ME3: variants seen among roughly 807,000 people sequenced by gnomAD.
ME3 encodes the protein NADP-dependent malic enzyme, mitochondrial.
In ME3, 48 loss-of-function variants were observed where a neutral mutation model predicts 68.9. That is an observed-to-expected ratio of 0.70 (90% confidence interval 0.55 to 0.89). ME3 has a LOEUF of 0.89. Ranked by LOEUF, ME3 falls within the 40% of genes least tolerant of loss-of-function variation. ME3 has a pLI of 0.00. For synonymous variants in ME3, 320 were observed against 318.8 expected, an observed-to-expected ratio of 1.00 and a Z score of -0.04; for missense variants, 675 against 797.4, an observed-to-expected ratio of 0.85 and a Z score of 1.85.
chr11:86,562,492 T>C (rs754394861), intron 2 of ME3, among the ~76,000 whole-genome samples: 8 of 152,276 alleles, frequency 5.3e-5, no homozygotes, highest in East Asian at 1.9e-4. Context: ...CTGTACCATT[T>C]TGCATCCCTG....
chr11:86,565,987 G>T (rs1957461869), intron 2 of ME3, among the ~76,000 whole-genome samples: 1 of 152,232 alleles, frequency 6.6e-6, no homozygotes, highest in South Asian at 2.1e-4. Context: ...ATGAGAAGGT[G>T]CAACACATGG....
rs77338617 is a variant in ME3, at chr11:86,472,097, G to A, written c.810-6897C>T. Among the ~76,000 whole-genome samples, 59 of 152,240 alleles carry A rather than the reference G, an allele frequency of 3.9e-4. No individual in the cohort carries two copies. In the East Asian group the frequency reaches 0.011, roughly 28 times the overall value. On this transcript the variant is annotated intron_variant, in intron 7 of 14. Transcript: ENST00000543262. ...GTTCCCAGACAGACTGTGGATGGGT[G>A]CGGATGGAAGGAGGGAGGAGGGCAT...
chr11:86,618,954 C>A (rs1338628068), intron 2 of ME3, among the ~76,000 whole-genome samples: 2 of 152,126 alleles, frequency 1.3e-5, no homozygotes, highest in Non-Finnish European at 2.9e-5. Context: ...CGTGATCCAC[C>A]CGCCTTGGCC....
chr11:86,601,385 C>A (rs1203900825), intron 2 of ME3, among the ~76,000 whole-genome samples: 1 of 152,162 alleles, frequency 6.6e-6, no homozygotes, highest in Non-Finnish European at 1.5e-5. Context: ...CACATACACC[C>A]TCCCAAGACT....
intron 7 of ME3, among the ~76,000 whole-genome samples, chr11:86,466,087 T>G (rs752667572): frequency 3.9e-5 from 6 of 152,308 alleles, no homozygotes; most frequent in Admixed American, 6.5e-5. Flanking sequence ...CTGAGTTTGT[T>G]CGAGTTTTGT....
chr11:86,498,144 C>T lies in ME3; in HGVS notation c.544-20G>A. On this transcript the variant is annotated intron_variant, in intron 5 of 14. Coordinates refer to ENST00000543262, the Ensembl canonical transcript of ME3. ...CACGGCCTGAAAAACAGCAGGGCACCATCAATCAGGGACAGCACTTCCTGT... is the reference window on the plus strand; with the variant it reads ...CACGGCCTGAAAAACAGCAGGGCACTATCAATCAGGGACAGCACTTCCTGT... 3 of 1,601,382 alleles carry T rather than the reference C, an allele frequency of 1.9e-6. No homozygotes were observed. The highest frequency in any genetic ancestry group is 2.6e-6 in the Non-Finnish European group (3 of 1,174,136).
rs906861658 is a variant in ME3, at chr11:86,539,073, A to G, written c.467+17480T>C. On this transcript the variant is annotated intron_variant, in intron 4 of 14. Transcript: ENST00000543262. ...TTCTGGGAAGGGCCAAGACTCCCTC[A>G]AAGTGCGTGACCATTTGGAGGAAGA... Among the ~76,000 whole-genome samples the G allele has an allele frequency of 1.1e-4, 16 of 152,288 alleles. 2 individuals carry two copies. Among genetic ancestry groups the G allele is most frequent in the Admixed American group, 4.6e-4 (7 of 15,282 alleles).
chr11:86,492,066 G>T (rs779345211), intron 6 of ME3, among the ~76,000 whole-genome samples: 2 of 152,212 alleles, frequency 1.3e-5, no homozygotes, highest in Non-Finnish European at 2.9e-5. Context: ...GGCCCAAAGG[G>T]GCTCTAGGCT....
chr11:86,477,416 G>C (rs1264151314), intron 7 of ME3, among the ~76,000 whole-genome samples: 1 of 152,182 alleles, frequency 6.6e-6, no homozygotes, highest in Non-Finnish European at 1.5e-5. Flanking sequence ...AATATTGTGT[G>C]AAGTGCTTGT....
intron 2 of ME3, among the ~76,000 whole-genome samples, chr11:86,608,063 A>G (rs191525337): frequency 1.3e-5 from 2 of 152,328 alleles, no homozygotes; most frequent in Admixed American, 6.5e-5. Context: ...TAATTTAAAC[A>G]TAAGCAGCAT....
intron 4 of ME3, among the ~76,000 whole-genome samples, chr11:86,531,149 C>T (rs1594322105): frequency 6.6e-6 from 1 of 151,348 alleles, no homozygotes; most frequent in Non-Finnish European, 1.5e-5. Flanking sequence ...AACAAATTTA[C>T]AAGAAAAAAA....
intron 2 of ME3, among the ~76,000 whole-genome samples, chr11:86,657,836 A>G: frequency 6.6e-6 from 1 of 152,216 alleles, no homozygotes; most frequent in East Asian, 1.9e-4. Flanking sequence ...TGGCAAGCTT[A>G]TGATGTTATT....
chr11:86,464,260 A>T, intron 8 of ME3: 1 of 335,610 alleles, frequency 3.0e-6, no homozygotes, highest in Non-Finnish European at 5.8e-6. Flanking sequence ...TTGTTAAAGC[A>T]TCATCAAGGT....
At chr11:86,590,667 G>A (rs2139663095) in intron 2 of ME3, among the ~76,000 whole-genome samples, 1 of 152,256 alleles carries the variant, frequency 6.6e-6, no homozygotes, top group Admixed American at 6.5e-5. Flanking sequence ...AAGCTGGAGG[G>A]GTAGGTCAGA....
chr11:86,621,000 CG>C (rs1410963911), intron 2 of ME3, among the ~76,000 whole-genome samples: 12 of 152,080 alleles, frequency 7.9e-5, no homozygotes, highest in Non-Finnish European at 1.5e-4. Flanking sequence ...GGTTCCTGAC[CG>C]GGCCTCCACC....
intron 2 of ME3, among the ~76,000 whole-genome samples, chr11:86,665,743 T>C (rs527764349): frequency 2.6e-5 from 4 of 152,250 alleles, no homozygotes; most frequent in Non-Finnish European, 5.9e-5. Context: ...CTTCAATCAG[T>C]GGTGACCCAT....
At chr11:86,531,660 T>C (rs1565910439) in intron 4 of ME3, among the ~76,000 whole-genome samples, 2 of 152,280 alleles carry the variant, frequency 1.3e-5, no homozygotes, top group Admixed American at 6.5e-5. Context: ...CATGGAATAC[T>C]ATGCAGCCAT....
rs545921917 is a variant in ME3, at chr11:86,663,157, T to C, written c.183+8605A>G. 9.8e-5 allele frequency among the ~76,000 whole-genome samples: 15 copies of C among 152,328 alleles called. 1 individual carries two copies. The highest frequency in any genetic ancestry group is 2.6e-4 in the African/African-American group (11 of 41,580). On this transcript the variant is annotated intron_variant, in intron 2 of 14. Coordinates refer to ENST00000543262, the Ensembl canonical transcript of ME3. ...GAATCAAGACAAAATGCTTTTAAAATATAATAATCTCAAGTTGCTGATCAT... is the reference window on the plus strand; with the variant it reads ...GAATCAAGACAAAATGCTTTTAAAACATAATAATCTCAAGTTGCTGATCAT...
intron 4 of ME3, among the ~76,000 whole-genome samples, chr11:86,542,938 G>A (rs940976998): frequency 4.5e-4 from 69 of 152,296 alleles, no homozygotes; most frequent in African/African-American, 1.5e-3. Context: ...GAAGCCCATC[G>A]GACTAACAGA....
Sources: gnomAD v4.1 joint callset for allele counts (sites outside exome capture counted in the v4.1 genomes callset) on GRCh38, gnomAD v4.1.1 for gene constraint, MANE v1.5 for transcripts, NCBI Gene and HGNC (gene_info 2026-07-23, HGNC 2026-07-21) for gene names.